Variants in CELF4 observed in about 807,000 individuals in gnomAD.
The protein encoded by CELF4 is CUG-BP- and ETR-3-like factor 4.
A neutral mutation model predicts 59.9 loss-of-function variants in CELF4; 18 were observed. The observed-to-expected ratio is 0.30, with a 90% CI of 0.21 to 0.45. CELF4 has a LOEUF of 0.45. CELF4 is among the 20% of genes least tolerant of loss of function. The pLI, the probability that CELF4 is intolerant of heterozygous loss-of-function variation, is 1.00. For missense variants in CELF4, 456 were observed against 689.0 expected, an observed-to-expected ratio of 0.66 and a Z score of 3.79; for synonymous variants, 261 against 267.1, an observed-to-expected ratio of 0.98 and a Z score of 0.22.
rs57296162 is a variant in CELF4, at chr18:37,379,366, C to T, written c.370-57485G>A. On this transcript the variant is annotated intron_variant, in intron 2 of 12. Coordinates refer to ENST00000420428, the MANE Select transcript of CELF4 (RefSeq NM_020180.4). ...GGGATTGGGAGTATTATTTTTTTCT[C>T]TCTTACCTCATTAAGCTTAGCTTCC... Among the ~76,000 whole-genome samples, 3 of 152,026 alleles carry T rather than the reference C, an allele frequency of 2.0e-5. No homozygotes were observed. The East Asian group carries it at 5.8e-4, about 29-fold the overall frequency.
At chr18:37,281,566 G>T (rs1286684740) in intron 3 of CELF4, among the ~76,000 whole-genome samples, 1 of 152,240 alleles carries the variant, frequency 6.6e-6, no homozygotes, top group Non-Finnish European at 1.5e-5. Context: ...CTAGTGGCTG[G>T]TGGGGTGGGC....
chr18:37,255,100 T>G (rs533055574), intron 11 of CELF4, among the ~76,000 whole-genome samples: 1 of 152,282 alleles, frequency 6.6e-6, no homozygotes, highest in East Asian at 1.9e-4. Context: ...TAAAAAGGAC[T>G]TAGATCCTGC....
intron 4 of CELF4, 32 bp downstream of exon 4, chr18:37,275,083 C>T (rs1434211498): frequency 6.2e-7 from 1 of 1,608,758 alleles, no homozygotes; most frequent in Middle Eastern, 1.7e-4. Context: ...CCCCTCCCTC[C>T]GGGGCATCCC....
At chr18:37,482,271 G>T (rs942767270) in intron 2 of CELF4, among the ~76,000 whole-genome samples, 5 of 152,100 alleles carry the variant, frequency 3.3e-5, no homozygotes, top group Non-Finnish European at 7.3e-5. Flanking sequence ...TGTGAATAGT[G>T]AAACAAATTT....
intron 3 of CELF4, among the ~76,000 whole-genome samples, chr18:37,284,559 C>A (rs1007410117): frequency 3.3e-5 from 5 of 152,170 alleles, no homozygotes; most frequent in Non-Finnish European, 7.3e-5. Flanking sequence ...CCCTACATGA[C>A]AAGAGCCTGA....
chr18:37,514,128 TG>T (rs1419920344), intron 1 of CELF4, among the ~76,000 whole-genome samples: 5 of 152,176 alleles, frequency 3.3e-5, no homozygotes, highest in African/African-American at 1.2e-4. Context: ...ACTGGGTCCC[TG>T]GTACCTCTTT....
intron 2 of CELF4, among the ~76,000 whole-genome samples, chr18:37,483,530 C>G (rs1001453142): frequency 6.6e-6 from 1 of 152,174 alleles, no homozygotes; most frequent in Non-Finnish European, 1.5e-5. Context: ...TCCCAACATA[C>G]ACTCACGTTT....
chr18:37,342,073 G>A (rs907056500), intron 2 of CELF4, among the ~76,000 whole-genome samples: 3 of 152,076 alleles, frequency 2.0e-5, no homozygotes, highest in Non-Finnish European at 4.4e-5. Flanking sequence ...GAGGACAGGA[G>A]AACAGTGGAG....
At chr18:37,300,936 A>G (rs1339765875) in intron 3 of CELF4, among the ~76,000 whole-genome samples, 1 of 152,208 alleles carries the variant, frequency 6.6e-6, no homozygotes, top group African/African-American at 2.4e-5. Flanking sequence ...CGCCTGGAGC[A>G]AGAGATTCAG....
chr18:37,500,680 C>T (rs1311736628), intron 1 of CELF4, among the ~76,000 whole-genome samples: 1 of 151,902 alleles, frequency 6.6e-6, no homozygotes, highest in Non-Finnish European at 1.5e-5. Flanking sequence ...ACTACAGGCA[C>T]CTGCCACCAT....
intron 2 of CELF4, among the ~76,000 whole-genome samples, chr18:37,353,233 A>AAAAAAAAAATATATATATATATAT (rs71168258): frequency 9.3e-6 from 1 of 106,990 alleles, no homozygotes; most frequent in African/African-American, 3.6e-5. Context: ...AAAAAAAAAA[A>AAAAAAAAAATATATATATATATAT]ATATATATAT....
chr18:37,387,539 C>T (rs567369656), intron 2 of CELF4, among the ~76,000 whole-genome samples: 53 of 152,320 alleles, frequency 3.5e-4, no homozygotes, highest in African/African-American at 1.2e-3. Flanking sequence ...GTCTCCACCC[C>T]GAGAGGACTG....
chr18:37,388,121 A>ATT (rs2099119180), intron 2 of CELF4, among the ~76,000 whole-genome samples: 1 of 152,004 alleles, frequency 6.6e-6, no homozygotes, highest in Non-Finnish European at 1.5e-5. Context: ...GGCAGGTTTC[A>ATT]TTGAGGGGAG....
At chr18:37,404,464 C>T (rs2099361113) in intron 2 of CELF4, among the ~76,000 whole-genome samples, 1 of 152,230 alleles carries the variant, frequency 6.6e-6, no homozygotes, top group African/African-American at 2.4e-5. Flanking sequence ...GGCATAGACA[C>T]AGGGCAGGGA....
rs143573810 is a variant in CELF4 at position 37,422,216 on chromosome 18, T to G, written c.369+63309A>C. ...CAGATTCCAGACCCCAGGCAGCTCT[T>G]GCAGGCTCCTCTCCTCCCACTGAGA... On this transcript the variant is annotated intron_variant, in intron 2 of 12. Transcript: ENST00000420428. 7.2e-3 allele frequency among the ~76,000 whole-genome samples: 1,101 copies of G among 152,288 alleles called. 19 individuals carry two copies. Among genetic ancestry groups the G allele is most frequent in the African/African-American group, 0.026 (1,060 of 41,558 alleles).
chr18:37,438,399 T>C (rs1228153761), intron 2 of CELF4, among the ~76,000 whole-genome samples: 2 of 152,224 alleles, frequency 1.3e-5, no homozygotes, highest in Non-Finnish European at 2.9e-5. Context: ...GATGTGATCC[T>C]GTGCCCAGGA....
intron 3 of CELF4, among the ~76,000 whole-genome samples, chr18:37,310,530 G>A (rs1457478117): frequency 2.0e-5 from 3 of 152,074 alleles, no homozygotes; most frequent in Non-Finnish European, 4.4e-5. Flanking sequence ...TTTCCCACTC[G>A]GGAAGCTCTG....
chr18:37,303,140 C>G (rs1323310443), intron 3 of CELF4, among the ~76,000 whole-genome samples: 1 of 152,114 alleles, frequency 6.6e-6, no homozygotes, highest in African/African-American at 2.4e-5. Flanking sequence ...ATTTGAACCC[C>G]CTGGGTGAAG....
At chr18:37,272,947 T>G in intron 7 of CELF4, 69 bp downstream of exon 7, 1 of 1,474,806 alleles carries the variant, frequency 6.8e-7, no homozygotes, top group Non-Finnish European at 9.3e-7. Flanking sequence ...GTAGCTGAAA[T>G]TAGGTCCCAG....
Sources: gnomAD v4.1 joint callset for allele counts (sites outside exome capture counted in the v4.1 genomes callset) on GRCh38, gnomAD v4.1.1 for gene constraint, MANE v1.5 for transcripts, NCBI Gene and HGNC (gene_info 2026-07-23, HGNC 2026-07-21) for gene names.